The following DUSP22 variants were observed in gnomAD, a reference collection of about 807,000 sequenced individuals.
DUSP22 encodes dual specificity phosphatase 22.
DUSP22 carries 24 observed loss-of-function variants against 24.5 expected under a neutral mutation model. That is an observed-to-expected ratio of 0.98 (90% CI 0.71 to 1.38). The LOEUF (loss-of-function observed/expected upper bound fraction) is 1.38. DUSP22 is among the 40% of genes most tolerant of loss of function. The pLI is 0.00. For missense variants in DUSP22, 330 were observed against 269.2 expected (o/e 1.23, Z -1.58); for synonymous variants, 160 against 106.4 (o/e 1.50, Z -3.10).
intron 2 of DUSP22, among the ~76,000 whole-genome samples, chr6:311,221 A>G (rs1298969560): frequency 6.6e-6 from 1 of 152,308 alleles, no homozygotes; most frequent in South Asian, 2.1e-4. Context: ...TAGGGACCAC[A>G]TAGCAGATGG....
chr6:350,747 A>G lies in DUSP22; in HGVS notation c.*1796A>G, dbSNP rs554192461. The G allele has an allele frequency of 1.4e-4, 228 of 1,613,314 alleles. 1 individual carries two copies. In the East Asian group the frequency reaches 4.2e-3, roughly 30 times the overall value. On this transcript the variant is annotated 3_prime_UTR_variant, in exon 7 of 7. Coordinates refer to ENST00000419235, the MANE Select transcript of DUSP22 (RefSeq NM_001286555.3). ...ATGCTTAAATATGTGCACCTTTACA[A>G]ACCTCTCAGTGTATTCTTGGAGTTC...
At chr6:293,507 G>A (rs1386342831) in intron 1 of DUSP22, among the ~76,000 whole-genome samples, 2 of 151,554 alleles carry the variant, frequency 1.3e-5, no homozygotes, top group Non-Finnish European at 3.0e-5. Flanking sequence ...TTTTCATTGC[G>A]CTCCACCCAC....
chr6:348,811 C>T lies in DUSP22; in HGVS notation c.478C>T (p.Gln160Ter). The change falls in exon 7 of 7, where the codon CAG (glutamine) becomes TAG (stop). Residue 160 changes from glutamine to a stop codon, truncating the protein, a stop_gained. Transcript: ENST00000419235. LOFTEE classifies it high-confidence loss of function. ...GGAAGAATATGGAGAGAGCCCTTTG[C>T]AGGATGCAGAAGAAGCCAAAAACAT... ...LKEEYGESPL[Q>*]DAEEAKNILG... 1 of 1,614,320 alleles carries T rather than the reference C, an allele frequency of 6.2e-7. No individual in the cohort carries two copies. Among genetic ancestry groups the T allele is most frequent in the Non-Finnish European group, 8.5e-7 (1 of 1,180,060 alleles).
rs536463469 is a variant in DUSP22 at position 341,124 on chromosome 6, C to T, written c.189-4730C>T. Among the ~76,000 whole-genome samples, 26 of 152,408 alleles carry T rather than the reference C, an allele frequency of 1.7e-4. No homozygotes were observed. The East Asian group carries it at 2.9e-3, about 17-fold the overall frequency. Reference sequence around the variant, plus strand: ...GGAGGTGCCCCTGCTGCAAGGACCGCGGGCAGGAGCGGGCATGATAGCCCC... The same window carrying T: ...GGAGGTGCCCCTGCTGCAAGGACCGTGGGCAGGAGCGGGCATGATAGCCCC... On this transcript the variant is annotated intron_variant, in intron 4 of 6. Coordinates refer to ENST00000419235, the MANE Select transcript of DUSP22 (RefSeq NM_001286555.3).
intron 4 of DUSP22, among the ~76,000 whole-genome samples, chr6:341,793 G>C (rs1478950326): frequency 6.6e-6 from 1 of 152,306 alleles, no homozygotes; most frequent in South Asian, 2.1e-4. Context: ...GAGCTACCGG[G>C]GGGTGGTGGT....
chr6:349,060 C>A lies in DUSP22; in HGVS notation c.*109C>A, dbSNP rs1039445520. The A allele has an allele frequency of 6.7e-7, 1 of 1,483,864 alleles. No homozygotes were observed. The highest frequency in any genetic ancestry group is 9.0e-7 in the Non-Finnish European group (1 of 1,117,064). 91.9% of individuals were successfully genotyped at this position (1,483,864 alleles called of 1,614,324 possible). ...GGACAGGAAAGGGAGATAGCCAGGG[C>A]GAGGTGGGGCGAGGGCTCCTTCCCC... is the stretch of plus-strand genomic sequence containing the variant. On this transcript the variant is annotated 3_prime_UTR_variant, in exon 7 of 7. Transcript: ENST00000419235.
chr6:302,370 G>A (rs576777733), intron 1 of DUSP22, among the ~76,000 whole-genome samples: 1,415 of 151,908 alleles, frequency 9.3e-3, no homozygotes, highest in Non-Finnish European at 0.016. Context: ...TTGCACTAAC[G>A]CCCGCCTTCT....
chr6:317,751 C>T (rs1208107746), intron 3 of DUSP22, among the ~76,000 whole-genome samples: 1 of 152,310 alleles, frequency 6.6e-6, no homozygotes, highest in African/African-American at 2.4e-5. Context: ...TTCTCTGGTC[C>T]TTGCAGCACT....
chr6:303,430 C>T (rs1231907779), intron 1 of DUSP22, among the ~76,000 whole-genome samples: 3 of 152,310 alleles, frequency 2.0e-5, no homozygotes, highest in East Asian at 1.9e-4. Context: ...CAATAGATCC[C>T]CTGCAATCAC....
chr6:302,210 C>A (rs1049678056), intron 1 of DUSP22, among the ~76,000 whole-genome samples: 25 of 152,422 alleles, frequency 1.6e-4, no homozygotes, highest in Non-Finnish European at 2.8e-4. Flanking sequence ...GTTTTTCATA[C>A]CATTTTCAAG....
rs1456956346 is a variant in DUSP22, at chr6:349,275, G to C, written c.*324G>C. ...CATGTGTGTGCCTGTGTGAGTGAGG[G>C]TATGTGCACCTAAGTGTGTACATGT... is the stretch of plus-strand genomic sequence containing the variant. On this transcript the variant is annotated 3_prime_UTR_variant, in exon 7 of 7. Coordinates refer to ENST00000419235, the MANE Select transcript of DUSP22 (RefSeq NM_001286555.3). The C allele has an allele frequency of 3.8e-6, 5 of 1,304,866 alleles. No individual in the cohort carries two copies. The highest frequency in any genetic ancestry group is 1.5e-5 in the African/African-American group (1 of 67,554). 80.8% of individuals were successfully genotyped at this position (1,304,866 alleles called of 1,614,324 possible). A position where few individuals can be genotyped will look rare whatever the true frequency, so the allele number is the denominator to read the frequency against.
At chr6:330,817 A>G (rs1411795004) in intron 3 of DUSP22, among the ~76,000 whole-genome samples, 1 of 152,302 alleles carries the variant, frequency 6.6e-6, no homozygotes, top group Non-Finnish European at 1.5e-5. Flanking sequence ...TGTCCTTAGC[A>G]GATCCCCCAT....
chr6:327,025 CT>C (rs1249165175), intron 3 of DUSP22, among the ~76,000 whole-genome samples: 14 of 152,424 alleles, frequency 9.2e-5, no homozygotes, highest in African/African-American at 3.1e-4. Flanking sequence ...GCTGCAGCTA[CT>C]GTAGCCTCCA....
At chr6:311,372 G>A (rs1478428283) in intron 2 of DUSP22, among the ~76,000 whole-genome samples, 1 of 152,300 alleles carries the variant, frequency 6.6e-6, no homozygotes, top group Admixed American at 6.5e-5. Flanking sequence ...GTCAAAAGAT[G>A]AGACAATCAG....
chr6:348,105 T>A lies in DUSP22; in HGVS notation c.266T>A (p.Leu89Gln). ...LRGESCLVHC[L>Q]AGVSRSVTLV... ...ATGTGCTTCTCTTGGCCCCGCAGCC[T>A]GGCCGGGGTCTCCAGGAGCGTGACA... is the stretch of plus-strand genomic sequence containing the variant. Residue 89 changes from leucine to glutamine, a missense_variant and splice_region_variant, in exon 6 of 7, where the codon CTG becomes CAG. Physicochemically the swap from Leu to Gln is moderately radical, Grantham distance 113. Coordinates refer to ENST00000419235, the MANE Select transcript of DUSP22 (RefSeq NM_001286555.3). 6.2e-7 allele frequency: 1 copy of A among 1,614,188 alleles called. No individual in the cohort carries two copies. Among genetic ancestry groups the A allele is most frequent in the East Asian group, 2.2e-5 (1 of 44,882 alleles).
At chr6:302,312 C>G (rs1230779618) in intron 1 of DUSP22, among the ~76,000 whole-genome samples, 1 of 152,310 alleles carries the variant, frequency 6.6e-6, no homozygotes, top group African/African-American at 2.4e-5. Flanking sequence ...AACTTGGAGT[C>G]TGGATAGTGG....
chr6:306,958 C>T (rs2127394563), intron 2 of DUSP22, among the ~76,000 whole-genome samples: 1 of 152,420 alleles, frequency 6.6e-6, no homozygotes, highest in African/African-American at 2.4e-5. Context: ...GCTCAGTGCC[C>T]AATACCTGGT....
At chr6:335,072 C>G (rs762155839) in intron 3 of DUSP22, 42 bp from the exon 4 acceptor site, 1 of 1,598,168 alleles carries the variant, frequency 6.3e-7, no homozygotes, top group Admixed American at 1.7e-5. Flanking sequence ...CACTGAGTTT[C>G]ATGTTTTTAT....
At chr6:297,205 C>T (rs1010419045) in intron 1 of DUSP22, among the ~76,000 whole-genome samples, 16 of 152,406 alleles carry the variant, frequency 1.0e-4, no homozygotes, top group African/African-American at 3.1e-4. Flanking sequence ...AACTAAGAAA[C>T]CTTAGGTGGT....
Sources: gnomAD v4.1 joint callset for allele counts (sites outside exome capture counted in the v4.1 genomes callset) on GRCh38, gnomAD v4.1.1 for gene constraint, MANE v1.5 for transcripts, NCBI Gene and HGNC (gene_info 2026-07-23, HGNC 2026-07-21) for gene names.